KLK2: variants seen among roughly 807,000 people sequenced by gnomAD.
KLK2 encodes kallikrein-2.
A neutral mutation model predicts 23.0 loss-of-function variants in KLK2; 17 were observed. The ratio of observed to expected loss-of-function variants is 0.74; its 90% CI spans 0.51 to 1.11. The LOEUF (loss-of-function observed/expected upper bound fraction) is 1.11. Ranked by LOEUF, KLK2 falls within the 50% of genes least tolerant of loss-of-function variation. The pLI, the probability that KLK2 is intolerant of heterozygous loss-of-function variation, is 0.00. For synonymous variants in KLK2, 140 were observed against 124.7 expected, an observed-to-expected ratio of 1.12 and a Z score of -0.82; for missense variants, 330 against 325.9, an observed-to-expected ratio of 1.01 and a Z score of -0.10.
chr19:50,877,388 C>G, intron 4 of KLK2: 1 of 270,918 alleles, frequency 3.7e-6, no homozygotes, highest in Middle Eastern at 1.2e-3. Flanking sequence ...TGGAGGGTGT[C>G]AGGAAGTGAT....
rs1209305018 is a variant in KLK2 at position 50,879,590 on chromosome 19, C to G, written c.*1031C>G. ...TCCAACTGAGGAAGCTCACCTGATCCTTAGTGTCCAGGGTTTTTACTGGGG... is the reference window on the plus strand; with the variant it reads ...TCCAACTGAGGAAGCTCACCTGATCGTTAGTGTCCAGGGTTTTTACTGGGG... On this transcript the variant is annotated 3_prime_UTR_variant, in exon 5 of 5. Coordinates refer to ENST00000325321, the MANE Select transcript of KLK2 (RefSeq NM_005551.5). The G allele has an allele frequency of 4.3e-6, 1 of 230,388 alleles. No individual in the cohort carries two copies. Among genetic ancestry groups the G allele is most frequent in the Admixed American group, 5.6e-5 (1 of 17,702 alleles). The allele number at this position is 230,388 out of a possible 1,614,324, so 14.3% of individuals were successfully genotyped here. A position where few individuals can be genotyped will look rare whatever the true frequency, so the allele number is the denominator to read the frequency against.
rs977975814 is a variant in KLK2, at chr19:50,875,826, C to CA, written c.207-638dup. ...AAAAAACAAACAAACAAACAAACAACAAAAAAAATCGAAAGGAGGGGAAGG... is the reference window on the plus strand; with the variant it reads ...AAAAAACAAACAAACAAACAAACAACAAAAAAAAATCGAAAGGAGGGGAAGG... On this transcript the variant is annotated intron_variant, in intron 2 of 4. Transcript: ENST00000325321. 36 of 151,138 alleles carry CA rather than the reference C, an allele frequency of 2.4e-4. No homozygotes were observed. The Middle Eastern group carries it at 0.011, about 46-fold the overall frequency. 9.4% of individuals were successfully genotyped at this position (151,138 alleles called of 1,614,324 possible). A position where few individuals can be genotyped will look rare whatever the true frequency, so the allele number is the denominator to read the frequency against.
intron 4 of KLK2, chr19:50,877,387 T>C: frequency 3.7e-6 from 1 of 271,868 alleles, no homozygotes; most frequent in Non-Finnish European, 7.1e-6. Context: ...CTGGAGGGTG[T>C]CAGGAAGTGA....
At chr19:50,875,178 T>A in intron 2 of KLK2, 1 of 257,614 alleles carries the variant, frequency 3.9e-6, no homozygotes, top group Non-Finnish European at 7.3e-6. Context: ...TGTGTCTGTG[T>A]CTCCCCCGTC....
chr19:50,877,004 GT>G lies in KLK2; in HGVS notation c.627del (p.Cys209TrpfsTer83). 6.2e-7 allele frequency: 1 copy of G among 1,614,168 alleles called. No individual in the cohort carries two copies. The highest frequency in any genetic ancestry group is 8.5e-7 in the Non-Finnish European group (1 of 1,180,022). On this transcript the variant is annotated frameshift_variant, in exon 4 of 5. Coordinates refer to ENST00000325321, the MANE Select transcript of KLK2 (RefSeq NM_005551.5). LOFTEE classifies it low-confidence loss of function (END_TRUNC). ...AGLWTGGKDT[C>X]GGDSGGPLVC... The stretch of plus-strand genomic sequence containing the variant: ...CTCTGGACAGGTGGTAAAGACACTT[GT>G]GGGGTGAGTCATCCCTACTCCCAAC...
chr19:50,877,189 G>A (rs8105275), intron 4 of KLK2, 181 bp downstream of exon 4: 2 of 706,042 alleles, frequency 2.8e-6, no homozygotes, highest in South Asian at 1.8e-5. Flanking sequence ...CAACACAAGA[G>A]GTGATTCTCA....
chr19:50,876,255 C>T, intron 2 of KLK2: 4 of 579,508 alleles, frequency 6.9e-6, no homozygotes, highest in East Asian at 2.8e-5. Flanking sequence ...CTCTCTTTTC[C>T]ACTTCGTTTC....
intron 2 of KLK2, chr19:50,875,826 CA>C (rs977975814): frequency 3.3e-5 from 5 of 151,128 alleles, no homozygotes; most frequent in East Asian, 2.0e-4. Context: ...AAACAAACAA[CA>C]AAAAAAATCG....
At position 50,880,018 on chromosome 19, in the gene KLK2, A is replaced by G. The variant is rs2090328304; in HGVS notation, c.*1459A>G. ...GGTCTATGGGGCTATCCCTACAAAG[A>G]AGAATCCAGAAATAGGGGCACATTG... On this transcript the variant is annotated 3_prime_UTR_variant, in exon 5 of 5. Transcript: ENST00000325321. The G allele has an allele frequency of 4.4e-6, 1 of 229,600 alleles. No individual in the cohort carries two copies. Among genetic ancestry groups the G allele is most frequent in the South Asian group, 1.8e-4 (1 of 5,490 alleles). The allele number at this position is 229,600 out of a possible 1,614,324, so 14.2% of individuals were successfully genotyped here. A position where few individuals can be genotyped will look rare whatever the true frequency, so the allele number is the denominator to read the frequency against.
rs1342588357 is a variant in KLK2 at position 50,878,252 on chromosome 19, T to G, written c.631-152T>G. 5 of 726,768 alleles carry G rather than the reference T, an allele frequency of 6.9e-6. No homozygotes were observed. In the African/African-American group the frequency reaches 8.8e-5, roughly 13 times the overall value. The allele number at this position is 726,768 out of a possible 1,614,324, so 45.0% of individuals were successfully genotyped here. On this transcript the variant is annotated intron_variant, in intron 4 of 4. Coordinates refer to ENST00000325321, the MANE Select transcript of KLK2 (RefSeq NM_005551.5). ...TCTGTTGGACTCCCTGCCCATATTC[T>G]TGTGGGAGTGGGTTCTGGAGACATT... is the stretch of plus-strand genomic sequence containing the variant.
Position 50,876,719 on chromosome 19 carries a change from T to C in KLK2, c.454T>C (p.Cys152Arg), listed in dbSNP as rs1450075813. ...PTQEPALGTT[C>R]YASGWGSIEP... Reference sequence around the variant, plus strand: ...CCAGGAGCCAGCACTGGGGACCACCTGCTACGCCTCAGGCTGGGGCAGCAT... The same window carrying C: ...CCAGGAGCCAGCACTGGGGACCACCCGCTACGCCTCAGGCTGGGGCAGCAT... Residue 152 changes from cysteine to arginine, a missense_variant, in exon 3 of 5, where the codon TGC (cysteine) becomes CGC (arginine). Cys to Arg is a radical substitution (Grantham distance 180). Transcript: ENST00000325321. 3.7e-6 allele frequency: 6 copies of C among 1,614,172 alleles called. No individual in the cohort carries two copies. The highest frequency in any genetic ancestry group is 5.1e-6 in the Non-Finnish European group (6 of 1,180,038).
rs140321127 is a variant in KLK2, at chr19:50,878,508, G to C, written c.735G>C (p.Lys245Asn). 6 of 1,613,992 alleles carry C rather than the reference G, an allele frequency of 3.7e-6. No homozygotes were observed. Among genetic ancestry groups the C allele is most frequent in the Non-Finnish European group, 5.1e-6 (6 of 1,179,976 alleles). Residue 245 changes from lysine (K) to asparagine (N), a missense_variant, in exon 5 of 5, where the codon AAG becomes AAC. By Grantham distance (94) the Lys-to-Asn change is moderately conservative. Transcript: ENST00000325321. ...CTGAAAAGCCTGCTGTGTACACCAA[G>C]GTGGTGCATTACCGGAAGTGGATCA... ...ALPEKPAVYT[K>N]VVHYRKWIKD...
chr19:50,876,171 C>G, intron 2 of KLK2: 1 of 424,048 alleles, frequency 2.4e-6, no homozygotes, highest in South Asian at 3.6e-5. Context: ...CTTGCTGTCT[C>G]TGTCTCTTCT....
In KLK2 at chr19:50,876,767, G is replaced by A; in HGVS notation, c.493+9G>A. The A allele has an allele frequency of 1.9e-6, 3 of 1,613,102 alleles. No homozygotes were observed. The highest frequency in any genetic ancestry group is 2.5e-6 in the Non-Finnish European group (3 of 1,179,412). ...CATCGAACCAGAGGAGTGTACGCCT[G>A]GGCCAGATGGTGTAGCTGGGAGCCC... On this transcript the variant is annotated intron_variant, in intron 3 of 4. Transcript: ENST00000325321.
intron 2 of KLK2, chr19:50,875,950 C>T (rs2090282628): frequency 1.2e-5 from 2 of 168,138 alleles, no homozygotes; most frequent in South Asian, 3.1e-4. Context: ...GTGAGCCACC[C>T]TCATGCCTCT....
intron 1 of KLK2, chr19:50,874,495 T>A (rs2090262265): frequency 4.3e-6 from 2 of 464,132 alleles, no homozygotes; most frequent in Non-Finnish European, 7.7e-6. Context: ...ATCTCTGGGG[T>A]CAGCTCCGTT....
At chr19:50,875,094 C>T in intron 2 of KLK2, 1 of 882,250 alleles carries the variant, frequency 1.1e-6, no homozygotes, top group Non-Finnish European at 1.6e-6. Context: ...CGCTGTGTCT[C>T]TTGGTATCTG....
chr19:50,876,920 A>G lies in KLK2; in HGVS notation c.542A>G (p.Asn181Ser), dbSNP rs145987976. The G allele has an allele frequency of 2.9e-5, 46 of 1,613,982 alleles. No homozygotes were observed. In the African/African-American group the frequency reaches 4.9e-4, roughly 17 times the overall value. ...TGTGTGAGCCTCCATCTCCTGTCCAATGACATGTGTGCTAGAGCTTACTCT... is the reference window on the plus strand; with the variant it reads ...TGTGTGAGCCTCCATCTCCTGTCCAGTGACATGTGTGCTAGAGCTTACTCT... ...LQCVSLHLLS[N>S]DMCARAYSEK... is the part of the protein sequence containing the mutation. Residue 181 changes from asparagine to serine, a missense_variant, in exon 4 of 5, where the codon AAT becomes AGT. By Grantham distance (46) the Asn-to-Ser change is conservative. Coordinates refer to ENST00000325321, the MANE Select transcript of KLK2 (RefSeq NM_005551.5).
intron 4 of KLK2, among the ~76,000 whole-genome samples, chr19:50,877,933 C>T (rs548610671): frequency 8.0e-4 from 122 of 152,270 alleles, no homozygotes; most frequent in African/African-American, 2.8e-3. Flanking sequence ...CTCCCCTCCA[C>T]TCCATCCTCC....
Sources: gnomAD v4.1 joint callset for allele counts (sites outside exome capture counted in the v4.1 genomes callset) on GRCh38, gnomAD v4.1.1 for gene constraint, MANE v1.5 for transcripts, NCBI Gene and HGNC (gene_info 2026-07-23, HGNC 2026-07-21) for gene names.